The following ATXN1 variants were observed in gnomAD, a reference collection of about 807,000 sequenced individuals.
The protein encoded by ATXN1 is ataxin 1, also known as ataxin-1.
In ATXN1, 8 loss-of-function variants were observed where a neutral mutation model predicts 56.4. That is an observed-to-expected ratio of 0.14 (90% CI 0.08 to 0.26). ATXN1 has a LOEUF of 0.26. Ranked by LOEUF, ATXN1 falls within the 10% of genes least tolerant of loss-of-function variation. The pLI is 1.00. For missense variants in ATXN1, 987 were observed against 1,106.5 expected (o/e 0.89, Z 1.53); for synonymous variants, 514 against 494.6 (o/e 1.04, Z -0.52).
intron 7 of ATXN1, among the ~76,000 whole-genome samples, chr6:16,311,063 G>A (rs1281403814): frequency 6.6e-6 from 1 of 152,108 alleles, no homozygotes; most frequent in Admixed American, 6.5e-5. Flanking sequence ...GTATTACTGG[G>A]GGAAAGTTTC....
chr6:16,311,367 G>A (rs896586625), intron 7 of ATXN1, among the ~76,000 whole-genome samples: 1 of 152,094 alleles, frequency 6.6e-6, no homozygotes, highest in Non-Finnish European at 1.5e-5. Flanking sequence ...CTACCCTTGT[G>A]AGCAAAGACA....
intron 6 of ATXN1, among the ~76,000 whole-genome samples, chr6:16,350,139 G>A (rs1284278981): frequency 6.6e-6 from 1 of 152,142 alleles, no homozygotes; most frequent in African/African-American, 2.4e-5. Context: ...TAATGGACAA[G>A]CGGAAATGCA....
chr6:16,499,271 G>C (rs1019606803), intron 5 of ATXN1, among the ~76,000 whole-genome samples: 2 of 152,134 alleles, frequency 1.3e-5, no homozygotes. Flanking sequence ...AGAGGTAAGA[G>C]AGATTTTGAG....
intron 3 of ATXN1, among the ~76,000 whole-genome samples, chr6:16,606,040 G>GA (rs1762998651): frequency 6.6e-6 from 1 of 152,030 alleles, no homozygotes; most frequent in South Asian, 2.1e-4. Flanking sequence ...GAGGTGGGGG[G>GA]ATCGCTTGAA....
intron 6 of ATXN1, among the ~76,000 whole-genome samples, chr6:16,353,044 C>T (rs1408410061): frequency 1.3e-5 from 2 of 152,114 alleles, no homozygotes; most frequent in Non-Finnish European, 2.9e-5. Context: ...GGACGATTCA[C>T]GTCTGCGTTA....
chr6:16,312,588 C>T (rs1013432869), intron 7 of ATXN1, among the ~76,000 whole-genome samples: 6 of 152,278 alleles, frequency 3.9e-5, no homozygotes, highest in Middle Eastern at 3.4e-3. Flanking sequence ...CGGTGGCTCA[C>T]GCCTGTAATC....
At chr6:16,344,586 T>A (rs1259769772) in intron 6 of ATXN1, among the ~76,000 whole-genome samples, 1 of 152,060 alleles carries the variant, frequency 6.6e-6, no homozygotes, top group Non-Finnish European at 1.5e-5. Context: ...GTTCTTCAGC[T>A]TTTGGACTCT....
intron 7 of ATXN1, among the ~76,000 whole-genome samples, chr6:16,324,307 T>C (rs1050343736): frequency 6.6e-6 from 1 of 152,080 alleles, no homozygotes; most frequent in East Asian, 1.9e-4. Context: ...TTAAATTAGC[T>C]GGGCATGGTG....
chr6:16,418,416 T>C (rs1758959923), intron 6 of ATXN1, among the ~76,000 whole-genome samples: 1 of 152,212 alleles, frequency 6.6e-6, no homozygotes, highest in Non-Finnish European at 1.5e-5. Flanking sequence ...CAGGAATGCT[T>C]AGCCTTTGGA....
At chr6:16,439,136 C>T (rs142481822) in intron 6 of ATXN1, among the ~76,000 whole-genome samples, 37 of 151,904 alleles carry the variant, frequency 2.4e-4, no homozygotes, top group African/African-American at 8.0e-4. Context: ...ATAAGAAGCA[C>T]GTTTGCCCAT....
At chr6:16,366,729 C>T (rs1234806483) in intron 6 of ATXN1, among the ~76,000 whole-genome samples, 1 of 118,356 alleles carries the variant, frequency 8.4e-6, no homozygotes, top group Non-Finnish European at 1.8e-5. Context: ...TGCAGTGAGC[C>T]GAGACTACAC....
At chr6:16,679,372 GTGGATGGATGGATGGA>G (rs10618388) in intron 2 of ATXN1, among the ~76,000 whole-genome samples, 137 of 144,256 alleles carry the variant, frequency 9.5e-4, no homozygotes, top group Non-Finnish European at 1.3e-3. Context: ...AGGTGGGTGG[GTGGATGGATGGATGGA>G]TGGATGGATG....
chr6:16,462,061 C>T (rs747691476), intron 6 of ATXN1, among the ~76,000 whole-genome samples: 2 of 152,128 alleles, frequency 1.3e-5, no homozygotes, highest in Admixed American at 1.3e-4. Context: ...ACCAACAAAA[C>T]GTTAAAAACC....
intron 3 of ATXN1, among the ~76,000 whole-genome samples, chr6:16,643,994 C>T (rs752824541): frequency 5.1e-4 from 77 of 152,016 alleles, no homozygotes; most frequent in Non-Finnish European, 8.4e-4. Flanking sequence ...AAATTATGGG[C>T]CAGACATAAA....
intron 4 of ATXN1, among the ~76,000 whole-genome samples, chr6:16,525,933 C>T (rs1761383865): frequency 6.6e-6 from 1 of 151,130 alleles, no homozygotes; most frequent in East Asian, 1.9e-4. Flanking sequence ...TACAAATCCA[C>T]AGAAGTCCCA....
rs1347981869 is a variant in ATXN1, at chr6:16,410,072, G to A, written c.-161+75900C>T. On this transcript the variant is annotated intron_variant, in intron 6 of 7. Transcript: ENST00000436367. The surrounding 1 kb of genome is among the most constrained non-coding windows in gnomAD (Gnocchi z 4.6). ...CGTGCATGGAGAGCATGAGCTGAAC[G>A]ACCGTCGTGATAGGCTTGGCAGAGG... Among the ~76,000 whole-genome samples the A allele has an allele frequency of 6.6e-6, 1 of 152,222 alleles. No individual in the cohort carries two copies. The highest frequency in any genetic ancestry group is 1.5e-5 in the Non-Finnish European group (1 of 68,038).
At chr6:16,446,690 G>C (rs1200811751) in intron 6 of ATXN1, among the ~76,000 whole-genome samples, 3 of 152,144 alleles carry the variant, frequency 2.0e-5, no homozygotes, top group Non-Finnish European at 4.4e-5. Context: ...GAACTTTACA[G>C]TGACCTAAAA....
At chr6:16,743,266 C>T (rs769673739) in intron 2 of ATXN1, among the ~76,000 whole-genome samples, 1 of 152,204 alleles carries the variant, frequency 6.6e-6, no homozygotes, top group East Asian at 1.9e-4. Flanking sequence ...CACTCTATTA[C>T]GTACAGCTTT....
chr6:16,391,870 G>T (rs1317309606), intron 6 of ATXN1, among the ~76,000 whole-genome samples: 1 of 152,306 alleles, frequency 6.6e-6, no homozygotes, highest in East Asian at 1.9e-4. Context: ...AGCCTGGAGG[G>T]GAGAAGGCAG....
Sources: allele counts gnomAD v4.1 joint callset (sites outside exome capture counted in the v4.1 genomes callset), GRCh38; gene constraint gnomAD v4.1.1; non-coding constraint Gnocchi (gnomAD v3.1); transcripts MANE v1.5; gene names NCBI Gene and HGNC (gene_info 2026-07-23, HGNC 2026-07-21).